ALOX5AP: variants seen among roughly 807,000 people sequenced by gnomAD.
The protein encoded by ALOX5AP is arachidonate 5-lipoxygenase-activating protein.
ALOX5AP carries 9 observed loss-of-function variants against 18.5 expected under a neutral mutation model. The observed-to-expected ratio is 0.49, with a 90% CI of 0.29 to 0.85. The LOEUF (loss-of-function observed/expected upper bound fraction) is 0.85. Among genes scored for constraint, ALOX5AP ranks in the 40% least tolerant of loss-of-function variants. The pLI, the probability that ALOX5AP is intolerant of heterozygous loss-of-function variation, is 0.08. For missense variants in ALOX5AP, 172 were observed against 202.5 expected (o/e 0.85, Z 0.91); for synonymous variants, 81 against 78.6 (o/e 1.03, Z -0.16).
chr13:30,744,723 G>A (rs1351294150), intron 2 of ALOX5AP, among the ~76,000 whole-genome samples: 3 of 152,208 alleles, frequency 2.0e-5, no homozygotes, highest in African/African-American at 7.2e-5. Context: ...AAGGTTGTTT[G>A]AAAACACCTG....
At chr13:30,715,592 G>A (rs1362855626) in intron 1 of ALOX5AP, among the ~76,000 whole-genome samples, 1 of 152,158 alleles carries the variant, frequency 6.6e-6, no homozygotes, top group Non-Finnish European at 1.5e-5. Context: ...CTTATGGGGT[G>A]GGAAGTCACC....
At chr13:30,734,761 T>C (rs1167770211), upstream of ALOX5AP, among the ~76,000 whole-genome samples, 1 of 152,242 alleles carries the variant, frequency 6.6e-6, no homozygotes, top group Non-Finnish European at 1.5e-5. Context: ...AATTCTTTGG[T>C]TTGGTTTGAA....
chr13:30,735,492 G>A, upstream of ALOX5AP: 2 of 1,530,408 alleles, frequency 1.3e-6, no homozygotes, highest in South Asian at 2.4e-5. Flanking sequence ...TTGTGCCGGG[G>A]ATCTTCAGAA....
Position 30,747,780 on chromosome 13 carries a change from AT to A in ALOX5AP, c.170+3623del, listed in dbSNP as rs936363838. Reference sequence around the variant, plus strand: ...TCTTGGTTTTCTAAGAGGGGAATGTATTATTTAACTACAGACACCCCTACCG... The same window carrying A: ...TCTTGGTTTTCTAAGAGGGGAATGTATATTTAACTACAGACACCCCTACCG... On this transcript the variant is annotated intron_variant, in intron 2 of 4. Coordinates refer to ENST00000380490, the MANE Select transcript of ALOX5AP (RefSeq NM_001629.4). Among the ~76,000 whole-genome samples, 3 of 152,152 alleles carry A rather than the reference AT, an allele frequency of 2.0e-5. No homozygotes were observed. In the East Asian group the frequency reaches 5.8e-4, roughly 29 times the overall value.
chr13:30,735,791 C>T lies in ALOX5AP; in HGVS notation c.70+116C>T, dbSNP rs78247371. 961 of 1,179,594 alleles carry T rather than the reference C, an allele frequency of 8.1e-4. 9 individuals are homozygous for T. In the African/African-American group the frequency reaches 0.012, roughly 15 times the overall value. The allele number at this position is 1,179,594 out of a possible 1,614,324, so 73.1% of individuals were successfully genotyped here. A position where few individuals can be genotyped will look rare whatever the true frequency, so the allele number is the denominator to read the frequency against. The stretch of plus-strand genomic sequence containing the variant: ...TGTGCGCATGCACAAACACTTTTAC[C>T]TTATCTTTATTTTCTTCTTTTTATT... On this transcript the variant is annotated intron_variant, in intron 1 of 4. Transcript: ENST00000380490.
chr13:30,740,588 G>T (rs1951755031), intron 1 of ALOX5AP, among the ~76,000 whole-genome samples: 1 of 152,216 alleles, frequency 6.6e-6, no homozygotes, highest in Admixed American at 6.5e-5. Flanking sequence ...GTTGGGGAGT[G>T]AGGGGGCGGT....
At chr13:30,740,738 A>G (rs887857848) in intron 1 of ALOX5AP, among the ~76,000 whole-genome samples, 1 of 152,180 alleles carries the variant, frequency 6.6e-6, no homozygotes, top group Non-Finnish European at 1.5e-5. Flanking sequence ...TGTTTCCAGG[A>G]TAAAGAAAAG....
At chr13:30,757,323 G>A (rs1392646083) in intron 4 of ALOX5AP, among the ~76,000 whole-genome samples, 2 of 152,168 alleles carry the variant, frequency 1.3e-5, no homozygotes, top group African/African-American at 2.4e-5. Flanking sequence ...GGGTTAGACC[G>A]TGAGCCGGGC....
At chr13:30,733,202 A>G (rs1593432200), upstream of ALOX5AP, among the ~76,000 whole-genome samples, 2 of 151,584 alleles carry the variant, frequency 1.3e-5, no homozygotes, top group South Asian at 2.1e-4. Context: ...AGAGAGAGAG[A>G]GAGAAAGCTC....
chr13:30,746,109 G>C (rs1000150654), intron 2 of ALOX5AP, among the ~76,000 whole-genome samples: 1 of 152,230 alleles, frequency 6.6e-6, no homozygotes, highest in Non-Finnish European at 1.5e-5. Flanking sequence ...TTAGACCTGG[G>C]CTCGCTAGTT....
intron 1 of ALOX5AP, among the ~76,000 whole-genome samples, chr13:30,724,144 A>G (rs1951617632): frequency 6.6e-6 from 1 of 152,196 alleles, no homozygotes; most frequent in Admixed American, 6.5e-5. Flanking sequence ...TTCTGTTGCT[A>G]TAAATTGTAC....
Position 30,764,151 on chromosome 13 carries a change from T to C in ALOX5AP, c.*45T>C, listed in dbSNP as rs767260505. ...TTGGTGTTCTCATCTAATCAATACCTACAAGTCATCATAATTCAGCTCTTG... is the reference window on the plus strand; with the variant it reads ...TTGGTGTTCTCATCTAATCAATACCCACAAGTCATCATAATTCAGCTCTTG... On this transcript the variant is annotated 3_prime_UTR_variant, in exon 5 of 5. Coordinates refer to ENST00000380490, the MANE Select transcript of ALOX5AP (RefSeq NM_001629.4). 5.7e-6 allele frequency: 9 copies of C among 1,571,764 alleles called. No homozygotes were observed. In the African/African-American group the frequency reaches 9.5e-5, roughly 17 times the overall value.
At chr13:30,727,263 T>G (rs1436713421) in intron 1 of ALOX5AP, among the ~76,000 whole-genome samples, 9 of 152,092 alleles carry the variant, frequency 5.9e-5, no homozygotes, top group African/African-American at 1.9e-4. Flanking sequence ...AGGCTGGTCT[T>G]GAACTCCTGG....
chr13:30,758,395 C>A (rs936416939), intron 4 of ALOX5AP, among the ~76,000 whole-genome samples: 7 of 152,192 alleles, frequency 4.6e-5, no homozygotes. Flanking sequence ...CCTCACCAAC[C>A]GAGGAGGAAT....
At chr13:30,724,395 CA>C (rs1397935802) in intron 1 of ALOX5AP, among the ~76,000 whole-genome samples, 1 of 152,120 alleles carries the variant, frequency 6.6e-6, no homozygotes, top group Non-Finnish European at 1.5e-5. Context: ...AAAAGACTGC[CA>C]GTTTTGAATG....
chr13:30,754,069 G>A (rs1231496660), intron 3 of ALOX5AP, among the ~76,000 whole-genome samples: 1 of 152,106 alleles, frequency 6.6e-6, no homozygotes, highest in Non-Finnish European at 1.5e-5. Context: ...GAGAAACCCT[G>A]TCTCTACTAA....
chr13:30,730,882 C>T (rs1319074199), upstream of ALOX5AP, among the ~76,000 whole-genome samples: 1 of 152,224 alleles, frequency 6.6e-6, no homozygotes, highest in African/African-American at 2.4e-5. Context: ...GGTTGTCCTT[C>T]ACAGTCAAAC....
At chr13:30,741,465 C>A (rs1009182702) in intron 1 of ALOX5AP, among the ~76,000 whole-genome samples, 22 of 146,892 alleles carry the variant, frequency 1.5e-4, no homozygotes, top group African/African-American at 5.3e-4. Context: ...GGTGCAATCT[C>A]AGTTCACTGC....
At chr13:30,755,870 G>A in intron 3 of ALOX5AP, 74 bp from the exon 4 acceptor site, 4 of 1,424,584 alleles carry the variant, frequency 2.8e-6, no homozygotes, top group Middle Eastern at 1.8e-4. Flanking sequence ...GACCAATGTT[G>A]ATTGCCTAAT....
Sources: gnomAD v4.1 joint callset for allele counts (sites outside exome capture counted in the v4.1 genomes callset) on GRCh38, gnomAD v4.1.1 for gene constraint, MANE v1.5 for transcripts, NCBI Gene and HGNC (gene_info 2026-07-23, HGNC 2026-07-21) for gene names.